THSD7B: variants seen among roughly 807,000 people sequenced by gnomAD.
THSD7B encodes thrombospondin type 1 domain containing 7B, also known as thrombospondin type-1 domain-containing protein 7B.
Under a neutral mutation model 213.6 loss-of-function variants are expected in THSD7B, and 138 were observed. The ratio of observed to expected loss-of-function variants is 0.65; its 90% confidence interval spans 0.56 to 0.74. The LOEUF (loss-of-function observed/expected upper bound fraction) is 0.74, where lower values mean the gene tolerates loss of function less well. Ranked by LOEUF, THSD7B falls within the 30% of genes least tolerant of loss-of-function variation. THSD7B has a pLI of 0.00. For synonymous variants in THSD7B, 742 were observed against 687.0 expected (o/e 1.08, Z -1.25); for missense variants, 1,931 against 1,991.5 (o/e 0.97, Z 0.58).
Position 137,041,815 on chromosome 2 carries a change from A to G in THSD7B, c.140-14605A>G, listed in dbSNP as rs541400896. 6.9e-4 allele frequency among the ~76,000 whole-genome samples: 105 copies of G among 152,290 alleles called. No individual in the cohort carries two copies. The Middle Eastern group carries it at 0.014, about 20-fold the overall frequency. On this transcript the variant is annotated intron_variant, in intron 2 of 27. Transcript: ENST00000409968. ...AATTGGAAGCAATGATTATATTGCT[A>G]TAATTCGCTAATGTGTGGCCAATAA...
chr2:137,393,244 T>A (rs1686084186), intron 12 of THSD7B, among the ~76,000 whole-genome samples: 2 of 151,674 alleles, frequency 1.3e-5, no homozygotes, highest in African/African-American at 4.8e-5. Flanking sequence ...TGTGCCATGC[T>A]GGTGCACTGC....
At chr2:137,091,775 G>C (rs1327030528) in intron 3 of THSD7B, among the ~76,000 whole-genome samples, 1 of 152,040 alleles carries the variant, frequency 6.6e-6, no homozygotes, top group Non-Finnish European at 1.5e-5. Flanking sequence ...CTCCAAATAA[G>C]TTTGCAATCT....
At chr2:137,319,545 C>T (rs1684217363) in intron 12 of THSD7B, among the ~76,000 whole-genome samples, 1 of 152,182 alleles carries the variant, frequency 6.6e-6, no homozygotes, top group South Asian at 2.1e-4. Flanking sequence ...GCTGTTTAAT[C>T]ACTTCATGTT....
In THSD7B at chr2:137,642,520, C is replaced by G. The variant is rs188880657; in HGVS notation, c.3832C>G (p.Pro1278Ala). Residue 1278 changes from proline to alanine, a missense_variant, in exon 21 of 28, where the codon CCA becomes GCA. Pro to Ala is a conservative substitution (Grantham distance 27). Coordinates refer to ENST00000409968, the MANE Select transcript of THSD7B (RefSeq NM_001316349.2). ...RMSRTRFIIM[P>A]TQGEGRPCPT... ...GAGCCGGACTCGATTTATCATTATG[C>G]CAACCCAAGGAGAAGGACGGCCATG... is the stretch of plus-strand genomic sequence containing the variant. The G allele has an allele frequency of 6.3e-4, 1,009 of 1,613,780 alleles. 12 individuals carry two copies. The Admixed American group carries it at 0.016, about 26-fold the overall frequency.
At chr2:137,003,779 T>C (rs895655375) in intron 2 of THSD7B, among the ~76,000 whole-genome samples, 1 of 152,122 alleles carries the variant, frequency 6.6e-6, no homozygotes, top group Non-Finnish European at 1.5e-5. Context: ...AGGTGAAAGG[T>C]ATCAGTTCCA....
chr2:136,916,089 A>G (rs967863672), intron 2 of THSD7B, among the ~76,000 whole-genome samples: 1 of 152,232 alleles, frequency 6.6e-6, no homozygotes, highest in African/African-American at 2.4e-5. Context: ...GGGAAGAAGT[A>G]CAGGTACAGG....
intron 12 of THSD7B, among the ~76,000 whole-genome samples, chr2:137,399,040 A>C (rs1390418931): frequency 2.0e-5 from 3 of 151,758 alleles, no homozygotes; most frequent in Non-Finnish European, 4.4e-5. Flanking sequence ...CGGTGCGCGC[A>C]CCCACTGACC....
At chr2:136,949,815 A>G (rs1415398001) in intron 2 of THSD7B, among the ~76,000 whole-genome samples, 1 of 152,188 alleles carries the variant, frequency 6.6e-6, no homozygotes, top group Non-Finnish European at 1.5e-5. Context: ...ATACCATTGG[A>G]CCCAGCAATC....
chr2:137,054,428 A>C (rs1687123042), intron 2 of THSD7B, among the ~76,000 whole-genome samples: 1 of 152,204 alleles, frequency 6.6e-6, no homozygotes, highest in Non-Finnish European at 1.5e-5. Context: ...AAGAATTGAG[A>C]TGATTAGTTG....
intron 20 of THSD7B, among the ~76,000 whole-genome samples, chr2:137,626,555 C>A (rs1445521519): frequency 2.6e-5 from 4 of 151,982 alleles, no homozygotes; most frequent in Non-Finnish European, 5.9e-5. Flanking sequence ...CTCTTTTAGC[C>A]ATGCTACTCT....
At chr2:137,273,344 A>G (rs868048376) in intron 11 of THSD7B, among the ~76,000 whole-genome samples, 11 of 152,064 alleles carry the variant, frequency 7.2e-5, no homozygotes, top group Non-Finnish European at 1.5e-5. Flanking sequence ...AAAAATAATA[A>G]TAGGTTTCTT....
At chr2:136,914,033 T>C (rs931095298) in intron 2 of THSD7B, among the ~76,000 whole-genome samples, 3 of 152,110 alleles carry the variant, frequency 2.0e-5, no homozygotes, top group African/African-American at 7.2e-5. Context: ...ATGAAAGCAG[T>C]CGGGAGGGAG....
At chr2:137,260,730 A>G (rs577752330) in intron 10 of THSD7B, among the ~76,000 whole-genome samples, 24 of 152,334 alleles carry the variant, frequency 1.6e-4, no homozygotes, top group Admixed American at 1.4e-3. Flanking sequence ...TTGCCACTGC[A>G]TTCCAGCCTA....
At position 136,773,098 on chromosome 2, in the gene THSD7B, G is replaced by T. The variant is rs768945473; in HGVS notation, c.-36+7411G>T. 1.1e-3 allele frequency among the ~76,000 whole-genome samples: 168 copies of T among 152,106 alleles called. 2 individuals carry two copies. The highest frequency in any genetic ancestry group is 1.6e-3 in the Non-Finnish European group (109 of 67,958). On this transcript the variant is annotated intron_variant, in intron 1 of 27. Transcript: ENST00000409968. ...TAAAAGTGTGATCGGCTGTCTCAGG[G>T]AAATGTGAGTTGCCCGTCTTTGGGA...
At chr2:136,797,014 C>CACACACACAAA in intron 1 of THSD7B, among the ~76,000 whole-genome samples, 1 of 100,574 alleles carries the variant, frequency 9.9e-6, no homozygotes, top group Non-Finnish European at 2.3e-5. Context: ...ACACACACAA[C>CACACACACAAA]CTAAAAAAAC....
At chr2:136,801,570 G>A (rs554678157) in intron 1 of THSD7B, among the ~76,000 whole-genome samples, 1 of 152,220 alleles carries the variant, frequency 6.6e-6, no homozygotes, top group East Asian at 1.9e-4. Flanking sequence ...GGTTCAAACA[G>A]TTTGTTCTTC....
rs1483766825 is a variant in THSD7B at position 137,160,317 on chromosome 2, G to A, written c.1474G>A (p.Ala492Thr). The change falls in exon 6 of 28, where the codon GCC (alanine) becomes ACC (threonine). Residue 492 changes from alanine (A) to threonine (T), a missense_variant. Ala to Thr is a moderately conservative substitution (Grantham distance 58, BLOSUM62 0). Transcript: ENST00000409968. ...STDCIVSSWS[A>T]WGLCIHENCH... ...GGACTGCATAGTATCTTCCTGGTCAGCCTGGGGCCTGTGCATCCATGAAAA... is the reference window on the plus strand; with the variant it reads ...GGACTGCATAGTATCTTCCTGGTCAACCTGGGGCCTGTGCATCCATGAAAA... 1.2e-6 allele frequency: 2 copies of A among 1,613,494 alleles called. No homozygotes were observed. The highest frequency in any genetic ancestry group is 1.7e-6 in the Non-Finnish European group (2 of 1,179,696).
chr2:137,463,371 C>T (rs547347501), intron 15 of THSD7B, among the ~76,000 whole-genome samples: 1 of 152,124 alleles, frequency 6.6e-6, no homozygotes, highest in South Asian at 2.1e-4. Flanking sequence ...TATTTTTATA[C>T]CATATTTTAA....
intron 2 of THSD7B, among the ~76,000 whole-genome samples, chr2:136,933,124 C>A (rs1236686138): frequency 7.2e-5 from 4 of 55,404 alleles, no homozygotes; most frequent in African/African-American, 1.5e-4. Context: ...TCCTTCCTTC[C>A]TTCCTTCCTT....
Sources: gnomAD v4.1 joint callset for allele counts (sites outside exome capture counted in the v4.1 genomes callset) on GRCh38, gnomAD v4.1.1 for gene constraint, MANE v1.5 for transcripts, NCBI Gene and HGNC (gene_info 2026-07-23, HGNC 2026-07-21) for gene names.